ABCE1: variants seen among roughly 807,000 people sequenced by gnomAD.
ABCE1 encodes ATP-binding cassette sub-family E member 1.
ABCE1 carries 22 observed loss-of-function variants against 83.4 expected under a neutral mutation model. The ratio of observed to expected loss-of-function variants is 0.26; its 90% CI spans 0.19 to 0.38. The LOEUF is 0.38. Ranked by LOEUF, ABCE1 falls within the 10% of genes least tolerant of loss-of-function variation. The pLI, the probability that ABCE1 is intolerant of heterozygous loss-of-function variation, is 1.00. For synonymous variants in ABCE1, 204 were observed against 233.7 expected, an observed-to-expected ratio of 0.87 and a Z score of 1.16; for missense variants, 330 against 721.9, an observed-to-expected ratio of 0.46 and a Z score of 6.22.
At chr4:145,110,010 A>G (rs1457464020) in intron 5 of ABCE1, 93 bp from the exon 6 acceptor site, 2 of 1,156,568 alleles carry the variant, frequency 1.7e-6, no homozygotes, top group African/African-American at 3.2e-5. Flanking sequence ...CAAGTGTTCT[A>G]TTTGCATATA....
At chr4:145,123,686 A>C (rs1305421412) in intron 16 of ABCE1, 86 bp downstream of exon 16, 116 of 1,351,192 alleles carry the variant, frequency 8.6e-5, no homozygotes, top group Middle Eastern at 4.5e-4. Flanking sequence ...TTTTTAAAAA[A>C]TGAAAGCTAG....
At chr4:145,103,539 T>C (rs1203253341) in intron 1 of ABCE1, among the ~76,000 whole-genome samples, 3 of 152,216 alleles carry the variant, frequency 2.0e-5, no homozygotes, top group African/African-American at 7.2e-5. Flanking sequence ...GAGCATAGTA[T>C]ATACATATAG....
At chr4:145,122,926 C>T in intron 13 of ABCE1, 95 bp from the exon 14 acceptor site, 1 of 859,532 alleles carries the variant, frequency 1.2e-6, no homozygotes, top group Non-Finnish European at 1.7e-6. Flanking sequence ...AATTGATATA[C>T]TTTTATTCTG....
Position 145,120,211 on chromosome 4 carries a change from T to C in ABCE1, c.1144+58T>C, listed in dbSNP as rs964223560. 6 of 1,463,140 alleles carry C rather than the reference T, an allele frequency of 4.1e-6. No homozygotes were observed. In the Admixed American group the frequency reaches 1.1e-4, roughly 27 times the overall value. The allele number at this position is 1,463,140 out of a possible 1,614,324, so 90.6% of individuals were successfully genotyped here. ...TTCCTGTTTATCTAGTAAATTAGTT[T>C]TAACTGTTTTGTGGAAAAATTTGAA... On this transcript the variant is annotated intron_variant, in intron 11 of 17. Coordinates refer to ENST00000296577, the MANE Select transcript of ABCE1 (RefSeq NM_002940.3).
intron 15 of ABCE1, 46 bp downstream of exon 15, chr4:145,123,403 T>C: frequency 6.3e-7 from 1 of 1,592,218 alleles, no homozygotes; most frequent in Non-Finnish European, 8.6e-7. Flanking sequence ...TATACTGTCC[T>C]ACAAGTGTGC....
Position 145,123,034 on chromosome 4 carries a change from A to G in ABCE1, c.1277A>G (p.Gln426Arg), listed in dbSNP as rs1391994377. The part of the protein sequence containing the change: ...ISPKSTGSVR[Q>R]LLHEKIRDAY... The stretch of plus-strand genomic sequence containing the variant: ...TATTAAAAACAGGGAAGTGTTCGCC[A>G]GTTACTACATGAAAAGATAAGAGAT... The change falls in exon 14 of 18, where the codon CAG becomes CGG. Residue 426 changes from glutamine (Q) to arginine (R), a missense_variant. Coordinates refer to ENST00000296577, the MANE Select transcript of ABCE1 (RefSeq NM_002940.3). 2 of 1,585,514 alleles carry G rather than the reference A, an allele frequency of 1.3e-6. No individual in the cohort carries two copies. Among genetic ancestry groups the G allele is most frequent in the Non-Finnish European group, 1.7e-6 (2 of 1,168,638 alleles).
chr4:145,118,485 T>A (rs910442976), intron 10 of ABCE1, among the ~76,000 whole-genome samples: 1 of 151,778 alleles, frequency 6.6e-6, no homozygotes, highest in Admixed American at 6.6e-5. Flanking sequence ...CCTAGTTTTC[T>A]TGCCAGTAGT....
At chr4:145,106,282 G>T (rs17725600) in intron 3 of ABCE1, among the ~76,000 whole-genome samples, 12,991 of 151,966 alleles carry the variant, frequency 0.085, 762 homozygotes, top group Non-Finnish European at 0.14. Context: ...ATTATAAAAA[G>T]GCGCTTCACC....
intron 4 of ABCE1, 84 bp from the exon 5 acceptor site, chr4:145,109,048 G>T: frequency 1.1e-6 from 1 of 905,022 alleles, no homozygotes; most frequent in Non-Finnish European, 1.8e-6. Flanking sequence ...AAGTGCAGGT[G>T]CATTAAAATA....
intron 7 of ABCE1, 72 bp downstream of exon 7, chr4:145,110,516 C>T: frequency 6.8e-7 from 1 of 1,478,272 alleles, no homozygotes; most frequent in South Asian, 1.2e-5. Flanking sequence ...GCTCTTGTTG[C>T]CCAGGCTGGG....
Position 145,122,924 on chromosome 4 carries a change from T to C in ABCE1, c.1264-97T>C, listed in dbSNP as rs1038659987. ...GATATCTGTTGGTGGCAAATTGATA[T>C]ACTTTTATTCTGAAGCTTAACTTTG... is the stretch of plus-strand genomic sequence containing the variant. On this transcript the variant is annotated intron_variant, in intron 13 of 17. Coordinates refer to ENST00000296577, the MANE Select transcript of ABCE1 (RefSeq NM_002940.3). 4.9e-6 allele frequency: 4 copies of C among 821,572 alleles called. No individual in the cohort carries two copies. In the Middle Eastern group the frequency reaches 1.1e-3, roughly 235 times the overall value. 50.9% of individuals were successfully genotyped at this position (821,572 alleles called of 1,614,324 possible). A position where few individuals can be genotyped will look rare whatever the true frequency, so the allele number is the denominator to read the frequency against.
At chr4:145,117,066 AATTC>A (rs1265569617) in intron 9 of ABCE1, among the ~76,000 whole-genome samples, 7 of 152,042 alleles carry the variant, frequency 4.6e-5, no homozygotes, top group Non-Finnish European at 8.8e-5. Context: ...GAATGCATTT[AATTC>A]ATATATCAAT....
At chr4:145,109,495 A>C (rs966239659) in intron 5 of ABCE1, among the ~76,000 whole-genome samples, 1 of 152,186 alleles carries the variant, frequency 6.6e-6, no homozygotes, top group African/African-American at 2.4e-5. Context: ...GCTGTATTAC[A>C]CACGTTTCTA....
chr4:145,108,152 G>C, intron 4 of ABCE1, 40 bp downstream of exon 4: 1 of 1,562,250 alleles, frequency 6.4e-7, no homozygotes, highest in Non-Finnish European at 8.8e-7. Context: ...GTCAAGTTAA[G>C]AGTAAAATAC....
At chr4:145,111,385 G>A (rs574467579) in intron 8 of ABCE1, among the ~76,000 whole-genome samples, 26 of 152,258 alleles carry the variant, frequency 1.7e-4, no homozygotes, top group African/African-American at 4.8e-5. Context: ...GTGCAGTGGC[G>A]CAATCTTGGC....
In ABCE1 at chr4:145,105,645, A is replaced by G. The variant is rs1299803555; in HGVS notation, c.144A>G (p.Ala48=). The part of the protein sequence containing the change: ...CIEVTPQSKI[A]WISETLCIGC... ...AGGTTACACCCCAGAGCAAAATAGC[A>G]TGGATTTCCGAAACTCTTTGTATTG... Residue 48 remains alanine (A), a synonymous_variant, in exon 3 of 18, where the codon GCA becomes GCG. Transcript: ENST00000296577. 5 of 1,609,104 alleles carry G rather than the reference A, an allele frequency of 3.1e-6. No homozygotes were observed. The highest frequency in any genetic ancestry group is 1.7e-5 in the Admixed American group (1 of 59,904).
At chr4:145,126,267 T>C (rs1009135118) in intron 17 of ABCE1, among the ~76,000 whole-genome samples, 1 of 152,008 alleles carries the variant, frequency 6.6e-6, no homozygotes, top group African/African-American at 2.4e-5. Context: ...TCTAAAAGCA[T>C]TTCTGGGTTG....
intron 1 of ABCE1, 94 bp from the exon 2 acceptor site, chr4:145,104,292 C>G (rs1030434120): frequency 2.2e-4 from 105 of 470,002 alleles, no homozygotes; most frequent in African/African-American, 1.8e-3. Context: ...CATTTCATCT[C>G]CATATAATGA....
chr4:145,110,665 C>T (rs1749445044), intron 7 of ABCE1, among the ~76,000 whole-genome samples: 1 of 152,026 alleles, frequency 6.6e-6, no homozygotes, highest in Non-Finnish European at 1.5e-5. Context: ...TTAGTAGAGA[C>T]CGGGTTTCTC....
Sources: gnomAD v4.1 joint callset for allele counts (sites outside exome capture counted in the v4.1 genomes callset) on GRCh38, gnomAD v4.1.1 for gene constraint, MANE v1.5 for transcripts, NCBI Gene and HGNC (gene_info 2026-07-23, HGNC 2026-07-21) for gene names.